GSK3B: variants seen among roughly 807,000 people sequenced by gnomAD.
The protein encoded by GSK3B is glycogen synthase kinase 3 beta.
Under a neutral mutation model 56.4 loss-of-function variants are expected in GSK3B, and 15 were observed. The observed-to-expected ratio is 0.27, with a 90% CI of 0.18 to 0.41. The LOEUF is 0.41. Among genes scored for constraint, GSK3B ranks in the 10% least tolerant of loss-of-function variants. GSK3B has a pLI of 1.00. For synonymous variants in GSK3B, 181 were observed against 188.9 expected (o/e 0.96, Z 0.34); for missense variants, 300 against 513.4 (o/e 0.58, Z 4.02).
intron 1 of GSK3B, among the ~76,000 whole-genome samples, chr3:120,007,247 C>A (rs2057737687): frequency 6.6e-6 from 1 of 152,136 alleles, no homozygotes; most frequent in East Asian, 1.9e-4. Context: ...ATAACAGGTT[C>A]TGAAATTTAG....
chr3:119,843,669 T>A (rs942335114), intron 9 of GSK3B: 1 of 164,730 alleles, frequency 6.1e-6, no homozygotes, highest in South Asian at 1.5e-4. Flanking sequence ...TCCGGATTCA[T>A]AAAGGAAGTT....
chr3:120,082,382 G>GTTTTTT (rs1296252569), intron 1 of GSK3B, among the ~76,000 whole-genome samples: 11 of 72,512 alleles, frequency 1.5e-4, no homozygotes, highest in African/African-American at 5.6e-4. Context: ...AAATTAGTAT[G>GTTTTTT]TTCTTTTTTT....
chr3:119,929,755 A>G (rs2056924766), intron 3 of GSK3B, among the ~76,000 whole-genome samples: 1 of 151,602 alleles, frequency 6.6e-6, no homozygotes, highest in Admixed American at 6.6e-5. Context: ...ATACAAAATT[A>G]GCCAGGCATG....
intron 3 of GSK3B, among the ~76,000 whole-genome samples, chr3:119,937,328 G>C (rs2057005497): frequency 6.6e-6 from 1 of 152,012 alleles, no homozygotes; most frequent in Non-Finnish European, 1.5e-5. Context: ...CTCATTCTAT[G>C]AGTTCCCTCC....
chr3:119,913,507 T>C (rs1397616855), intron 5 of GSK3B, among the ~76,000 whole-genome samples: 2 of 152,066 alleles, frequency 1.3e-5, no homozygotes, highest in African/African-American at 2.4e-5. Flanking sequence ...TATAATAAAT[T>C]ACAATTAATT....
chr3:120,091,276 C>T (rs2058510126), intron 1 of GSK3B, among the ~76,000 whole-genome samples: 1 of 152,158 alleles, frequency 6.6e-6, no homozygotes, highest in South Asian at 2.1e-4. Context: ...AGCATCCTAA[C>T]AAATGCTTAA....
At chr3:119,991,992 A>T (rs2107467972) in intron 2 of GSK3B, among the ~76,000 whole-genome samples, 1 of 152,184 alleles carries the variant, frequency 6.6e-6, no homozygotes, top group African/African-American at 2.4e-5. Flanking sequence ...AAATGGAAAA[A>T]TATTTCTTAT....
chr3:119,907,147 A>G (rs1365381172), intron 6 of GSK3B, among the ~76,000 whole-genome samples: 4 of 152,242 alleles, frequency 2.6e-5, no homozygotes, highest in Non-Finnish European at 4.4e-5. Context: ...TATTTATGTA[A>G]ATGCTTATTT....
chr3:120,087,280 C>T (rs1009863976), intron 1 of GSK3B, among the ~76,000 whole-genome samples: 8 of 152,176 alleles, frequency 5.3e-5, no homozygotes, highest in African/African-American at 1.9e-4. Context: ...CGCCTGTAAT[C>T]CCAGCACTTT....
chr3:119,969,486 T>C (rs967439007), intron 2 of GSK3B, among the ~76,000 whole-genome samples: 1 of 152,148 alleles, frequency 6.6e-6, no homozygotes, highest in African/African-American at 2.4e-5. Context: ...ATTGCAGATA[T>C]CAACAAACTG....
intron 1 of GSK3B, among the ~76,000 whole-genome samples, chr3:120,073,887 A>C (rs530037509): frequency 9.7e-4 from 148 of 152,308 alleles, no homozygotes; most frequent in Middle Eastern, 3.4e-3. Flanking sequence ...AAAAACAATA[A>C]AACAAAGAGT....
chr3:119,850,625 T>C (rs769436796), intron 9 of GSK3B, among the ~76,000 whole-genome samples: 11 of 152,146 alleles, frequency 7.2e-5, no homozygotes, highest in Non-Finnish European at 1.3e-4. Context: ...AATCACTTTG[T>C]CTACCCATGG....
chr3:119,831,073 CAAATCTGAGAAA>C (rs1328944584), intron 10 of GSK3B, among the ~76,000 whole-genome samples: 1 of 152,084 alleles, frequency 6.6e-6, no homozygotes, highest in Non-Finnish European at 1.5e-5. Flanking sequence ...GCTCACACAG[CAAATCTGAGAAA>C]TAGGTACAAC....
chr3:120,037,641 G>T (rs2058033624), intron 1 of GSK3B, among the ~76,000 whole-genome samples: 1 of 150,968 alleles, frequency 6.6e-6, no homozygotes. Flanking sequence ...TAAAAATAAA[G>T]CACTACAGCT....
chr3:119,972,459 G>A (rs780196563), intron 2 of GSK3B, among the ~76,000 whole-genome samples: 28 of 152,192 alleles, frequency 1.8e-4, no homozygotes, highest in South Asian at 6.2e-4. Context: ...TTTTTGAGAC[G>A]GAGTCTCGCT....
chr3:119,946,733 G>A (rs528721093), intron 3 of GSK3B, among the ~76,000 whole-genome samples: 4 of 152,222 alleles, frequency 2.6e-5, no homozygotes, highest in South Asian at 2.1e-4. Flanking sequence ...CTTTGGTTTC[G>A]CAGAATTCAA....
At chr3:119,891,545 A>G (rs1287171077) in intron 7 of GSK3B, among the ~76,000 whole-genome samples, 3 of 152,200 alleles carry the variant, frequency 2.0e-5, no homozygotes. Context: ...AAGATGTTTG[A>G]CAAATTATCA....
chr3:119,865,321 T>C (rs2056161826), intron 8 of GSK3B, among the ~76,000 whole-genome samples: 1 of 151,238 alleles, frequency 6.6e-6, no homozygotes, highest in South Asian at 2.1e-4. Flanking sequence ...TATCTCCCAC[T>C]AACATTCAAA....
intron 9 of GSK3B, among the ~76,000 whole-genome samples, chr3:119,857,017 G>A (rs1322741181): frequency 6.6e-6 from 1 of 152,094 alleles, no homozygotes; most frequent in Admixed American, 6.5e-5. Context: ...CGTCTATTAA[G>A]TGGGCAATAA....
Sources: gnomAD v4.1 joint callset for allele counts (sites outside exome capture counted in the v4.1 genomes callset) on GRCh38, gnomAD v4.1.1 for gene constraint, MANE v1.5 for transcripts, NCBI Gene and HGNC (gene_info 2026-07-23, HGNC 2026-07-21) for gene names.